The following PRKN variants were observed in gnomAD, a reference collection of about 807,000 sequenced individuals.
PRKN encodes the protein E3 ubiquitin-protein ligase parkin.
PRKN carries 56 observed loss-of-function variants against 59.5 expected under a neutral mutation model. That is an observed-to-expected ratio of 0.94 (90% CI 0.76 to 1.18). The LOEUF is 1.18. PRKN is among the 50% of genes most tolerant of loss of function. PRKN has a pLI of 0.00. For synonymous variants in PRKN, 250 were observed against 222.1 expected, an observed-to-expected ratio of 1.13 and a Z score of -1.12; for missense variants, 657 against 596.4, an observed-to-expected ratio of 1.10 and a Z score of -1.06.
chr6:162,339,226 G>A (rs1367639203), intron 2 of PRKN, among the ~76,000 whole-genome samples: 1,924 of 146,106 alleles, frequency 0.013, 18 homozygotes, highest in Non-Finnish European at 0.021. Flanking sequence ...CAGCCACCCC[G>A]TCCGGGAGGG....
At position 161,386,695 on chromosome 6, in the gene PRKN, C is replaced by CT. The variant is rs1786264786; in HGVS notation, c.1167+98dup. The CT allele has an allele frequency of 2.0e-6, 2 of 978,442 alleles. No homozygotes were observed. The highest frequency in any genetic ancestry group is 1.3e-5 in the South Asian group (1 of 77,448). The allele number at this position is 978,442 out of a possible 1,614,324, so 60.6% of individuals were successfully genotyped here. A position where few individuals can be genotyped will look rare whatever the true frequency, so the allele number is the denominator to read the frequency against. On this transcript the variant is annotated intron_variant, in intron 10 of 11. Coordinates refer to ENST00000366898, the MANE Select transcript of PRKN (RefSeq NM_004562.3). The surrounding 1 kb of genome is among the most constrained non-coding windows in gnomAD (Gnocchi z 4.3). ...CTGTCAGCTACCAGTCTGCTTCTTG[C>CT]TTTTTTAGAATGGAACTCTCCATGA...
intron 3 of PRKN, among the ~76,000 whole-genome samples, chr6:162,220,689 T>C (rs997954945): frequency 3.3e-5 from 5 of 151,926 alleles, no homozygotes; most frequent in Admixed American, 3.3e-4. Context: ...AAGGCAGAGG[T>C]CAGGAAACGG....
rs1356263061 is a variant in PRKN at position 161,973,362 on chromosome 6, G to A, written c.674C>T (p.Ala225Val). 2 of 1,613,996 alleles carry A rather than the reference G, an allele frequency of 1.2e-6. No homozygotes were observed. Among genetic ancestry groups the A allele is most frequent in the Non-Finnish European group, 1.7e-6 (2 of 1,179,878 alleles). ...ACTATTTGTTGCGATCAGGTGCAAA[G>A]CTACTGATGTTTCCTTGTCAGAGGT... ...HPTSDKETSV[A>V]LHLIATNSRN... Residue 225 changes from alanine (A) to valine (V), a missense_variant, in exon 6 of 12, where the codon GCT becomes GTT. Transcript: ENST00000366898.
chr6:161,846,910 A>C (rs1793219018), intron 6 of PRKN, among the ~76,000 whole-genome samples: 1 of 152,320 alleles, frequency 6.6e-6, no homozygotes, highest in South Asian at 2.1e-4. Flanking sequence ...TACCATGAGG[A>C]GATGAGACTA....
chr6:161,388,240 G>A lies in PRKN; in HGVS notation c.1084-1363C>T, dbSNP rs992731657. On this transcript the variant is annotated intron_variant, in intron 9 of 11. Transcript: ENST00000366898. The surrounding 1 kb of genome is among the most constrained non-coding windows in gnomAD (Gnocchi z 4.3). ...ACCTTGGAAATGCTAGGATAACAGC[G>A]ATAGCTTTCTCATATGACCCCTGGG... Among the ~76,000 whole-genome samples, 13 of 152,176 alleles carry A rather than the reference G, an allele frequency of 8.5e-5. No homozygotes were observed. The highest frequency in any genetic ancestry group is 2.4e-4 in the African/African-American group (10 of 41,428).
At chr6:162,184,151 C>G (rs181810097) in intron 4 of PRKN, among the ~76,000 whole-genome samples, 5 of 152,306 alleles carry the variant, frequency 3.3e-5, no homozygotes, top group Non-Finnish European at 7.3e-5. Context: ...TCAACTTTTG[C>G]TAATTAATGT....
At chr6:162,174,345 TA>T (rs1783435341) in intron 4 of PRKN, among the ~76,000 whole-genome samples, 2 of 152,254 alleles carry the variant, frequency 1.3e-5, no homozygotes, top group South Asian at 4.1e-4. Context: ...ACACGCTAAA[TA>T]AAAGTCAGCT....
Position 161,361,244 on chromosome 6 carries a change from G to A in PRKN, c.1168-1039C>T, listed in dbSNP as rs1187082419. 1.3e-5 allele frequency among the ~76,000 whole-genome samples: 2 copies of A among 152,208 alleles called. No individual in the cohort carries two copies. On this transcript the variant is annotated intron_variant, in intron 10 of 11. Coordinates refer to ENST00000366898, the MANE Select transcript of PRKN (RefSeq NM_004562.3). This position sits in a 1 kb window ranked among gnomAD's most constrained non-coding sequence, Gnocchi z 5.2. Reference sequence around the variant, plus strand: ...CTTTTTGAAATGTTAAAGTTTTTGAGTCTTTATAGATGAAGTATTATGAGG... The same window carrying A: ...CTTTTTGAAATGTTAAAGTTTTTGAATCTTTATAGATGAAGTATTATGAGG...
Position 161,362,335 on chromosome 6 carries a change from C to T in PRKN, c.1168-2130G>A, listed in dbSNP as rs182302161. 1.0e-3 allele frequency among the ~76,000 whole-genome samples: 154 copies of T among 152,298 alleles called. No individual in the cohort carries two copies. The highest frequency in any genetic ancestry group is 4.7e-4 in the Non-Finnish European group (32 of 68,034). On this transcript the variant is annotated intron_variant, in intron 10 of 11. Coordinates refer to ENST00000366898, the MANE Select transcript of PRKN (RefSeq NM_004562.3). This position sits in a 1 kb window ranked among gnomAD's most constrained non-coding sequence, Gnocchi z 5.2. ...TCGGGAGGAAGGAACCTGGCATTTG[C>T]TGTGGGGCTATCTTCTTAGTCCCGC...
intron 1 of PRKN, among the ~76,000 whole-genome samples, chr6:162,611,520 C>T (rs914125685): frequency 2.6e-5 from 4 of 152,142 alleles, no homozygotes; most frequent in Non-Finnish European, 4.4e-5. Context: ...GTGCATTACA[C>T]TCAGAAGGAA....
At chr6:161,792,115 A>T (rs1474431936) in intron 6 of PRKN, among the ~76,000 whole-genome samples, 2 of 152,208 alleles carry the variant, frequency 1.3e-5, no homozygotes, top group Non-Finnish European at 2.9e-5. Flanking sequence ...GCCCTGGCTG[A>T]TATTTTGACT....
At chr6:161,876,059 C>T (rs1458009420) in intron 6 of PRKN, among the ~76,000 whole-genome samples, 1 of 152,106 alleles carries the variant, frequency 6.6e-6, no homozygotes, top group Non-Finnish European at 1.5e-5. Context: ...TGTTCATTAG[C>T]TACCAAATAT....
At chr6:161,762,393 G>A (rs116407584) in intron 7 of PRKN, among the ~76,000 whole-genome samples, 114 of 152,228 alleles carry the variant, frequency 7.5e-4, no homozygotes, top group African/African-American at 2.6e-3. Flanking sequence ...CACTAGAAAC[G>A]TGATTGAAAA....
At chr6:162,709,083 A>C (rs1778435404) in intron 1 of PRKN, among the ~76,000 whole-genome samples, 1 of 152,070 alleles carries the variant, frequency 6.6e-6, no homozygotes, top group African/African-American at 2.4e-5. Flanking sequence ...ATGATCTGTC[A>C]CTGTCTCCCA....
intron 6 of PRKN, among the ~76,000 whole-genome samples, chr6:161,830,397 G>A (rs1366131314): frequency 1.3e-5 from 2 of 152,024 alleles, no homozygotes; most frequent in Non-Finnish European, 2.9e-5. Context: ...GACTACAGGT[G>A]CCCGCCACCA....
intron 1 of PRKN, among the ~76,000 whole-genome samples, chr6:162,705,075 G>A (rs557280952): frequency 4.7e-4 from 71 of 152,236 alleles, no homozygotes; most frequent in African/African-American, 1.6e-3. Context: ...AATAAAAAAT[G>A]TTAAAATAGT....
At chr6:161,791,917 G>C (rs1790653251) in intron 6 of PRKN, among the ~76,000 whole-genome samples, 1 of 152,188 alleles carries the variant, frequency 6.6e-6, no homozygotes, top group Admixed American at 6.5e-5. Flanking sequence ...TCCAAGAGTA[G>C]GTCAGAAAAG....
chr6:161,396,932 GATCA>G lies in PRKN; in HGVS notation c.1084-10059_1084-10056del, dbSNP rs1346107028. On this transcript the variant is annotated intron_variant, in intron 9 of 11. Transcript: ENST00000366898. The surrounding 1 kb of genome is among the most constrained non-coding windows in gnomAD (Gnocchi z 5.4). ...TTTGGAGGTTTTGCAGCTCCTCAAT[GATCA>G]ATCAATCAATCAGTCAAAATGATAC... Among the ~76,000 whole-genome samples the G allele has an allele frequency of 6.6e-6, 1 of 152,158 alleles. No homozygotes were observed. Among genetic ancestry groups the G allele is most frequent in the African/African-American group, 2.4e-5 (1 of 41,428 alleles).
At chr6:162,453,017 C>T (rs963958608) in intron 1 of PRKN, among the ~76,000 whole-genome samples, 21 of 152,206 alleles carry the variant, frequency 1.4e-4, no homozygotes, top group African/African-American at 5.1e-4. Flanking sequence ...TAAGACTATG[C>T]TGCCACCACT....
Sources: gnomAD v4.1 joint callset for allele counts (sites outside exome capture counted in the v4.1 genomes callset) on GRCh38, gnomAD v4.1.1 for gene constraint, Gnocchi (gnomAD v3.1) non-coding constraint, MANE v1.5 for transcripts, NCBI Gene and HGNC (gene_info 2026-07-23, HGNC 2026-07-21) for gene names.